Variants in HHLA2 observed in about 807,000 individuals in gnomAD.
The protein encoded by HHLA2 is HHLA2 member of B7 family.
In HHLA2, 48 loss-of-function variants were observed where a neutral mutation model predicts 45.9. The ratio of observed to expected loss-of-function variants is 1.05; its 90% CI spans 0.83 to 1.33. HHLA2 has a LOEUF of 1.33. Ranked by LOEUF, HHLA2 falls within the 40% of genes most tolerant of loss-of-function variation. The pLI, the probability that HHLA2 is intolerant of heterozygous loss-of-function variation, is 0.00. For missense variants in HHLA2, 462 were observed against 494.3 expected, an observed-to-expected ratio of 0.93 and a Z score of 0.62; for synonymous variants, 161 against 173.9, an observed-to-expected ratio of 0.93 and a Z score of 0.59.
chr3:108,312,023 G>A (rs546466427), intron 2 of HHLA2, among the ~76,000 whole-genome samples: 50 of 152,276 alleles, frequency 3.3e-4, no homozygotes, highest in African/African-American at 1.1e-3. Flanking sequence ...CCAATGGCAG[G>A]CACAGGCGGA....
intron 7 of HHLA2, among the ~76,000 whole-genome samples, chr3:108,360,493 C>T (rs2081968632): frequency 6.6e-6 from 1 of 152,150 alleles, no homozygotes; most frequent in Admixed American, 6.5e-5. Context: ...AAATTGCCAG[C>T]ATCACTACTC....
chr3:108,307,529 G>T (rs1046056537), intron 1 of HHLA2, among the ~76,000 whole-genome samples: 3 of 151,978 alleles, frequency 2.0e-5, no homozygotes, highest in African/African-American at 7.3e-5. Context: ...AGCTACTCGG[G>T]AGGCTGAGGC....
At chr3:108,319,876 A>G (rs1287886176) in intron 2 of HHLA2, among the ~76,000 whole-genome samples, 1 of 152,236 alleles carries the variant, frequency 6.6e-6, no homozygotes, top group African/African-American at 2.4e-5. Context: ...AGGATTCTTC[A>G]GATATCAACT....
chr3:108,336,823 G>A (rs546798517), intron 3 of HHLA2, among the ~76,000 whole-genome samples: 1 of 151,750 alleles, frequency 6.6e-6, no homozygotes, highest in South Asian at 2.1e-4. Flanking sequence ...ATGAGGGGCC[G>A]GCCAAAGGTA....
intron 3 of HHLA2, among the ~76,000 whole-genome samples, chr3:108,329,733 G>A (rs6787576): frequency 0.064 from 9,765 of 152,174 alleles, 518 homozygotes; most frequent in East Asian, 0.3. Flanking sequence ...AACTTCTGCT[G>A]CACCTGTGCT....
At position 108,328,330 on chromosome 3, in the gene HHLA2, T is replaced by C; in HGVS notation, c.-44T>C. The stretch of plus-strand genomic sequence containing the variant: ...TGGTGATGTGGAATATACTAAAGCC[T>C]AGAACGCACCTCCTCTGGTAAGTAG... On this transcript the variant is annotated 5_prime_UTR_variant, in exon 3 of 11. Transcript: ENST00000619531. 4 of 1,531,478 alleles carry C rather than the reference T, an allele frequency of 2.6e-6. No individual in the cohort carries two copies. In the East Asian group the frequency reaches 9.8e-5, roughly 38 times the overall value. 94.9% of individuals were successfully genotyped at this position (1,531,478 alleles called of 1,614,324 possible).
At chr3:108,332,764 C>T (rs938012844) in intron 3 of HHLA2, among the ~76,000 whole-genome samples, 1 of 152,146 alleles carries the variant, frequency 6.6e-6, no homozygotes, top group African/African-American at 2.4e-5. Context: ...GCAAAGATAT[C>T]AGGCTTCTAA....
chr3:108,365,611 A>G (rs1467644493), intron 8 of HHLA2, among the ~76,000 whole-genome samples: 1 of 152,198 alleles, frequency 6.6e-6, no homozygotes, highest in Non-Finnish European at 1.5e-5. Context: ...CACGATATTC[A>G]TAAGTATGAA....
intron 3 of HHLA2, 25 bp from the exon 3 acceptor site, chr3:108,351,763 T>C (rs745355196): frequency 7.5e-6 from 11 of 1,466,688 alleles, no homozygotes; most frequent in Admixed American, 5.2e-5. Context: ...ATCCATAACA[T>C]GTGCACTTTA....
chr3:108,350,967 G>T (rs2081765819), intron 3 of HHLA2, among the ~76,000 whole-genome samples: 1 of 152,178 alleles, frequency 6.6e-6, no homozygotes, highest in African/African-American at 2.4e-5. Flanking sequence ...TTACAGGTGT[G>T]AACCACCATG....
intron 3 of HHLA2, among the ~76,000 whole-genome samples, chr3:108,343,863 G>A (rs540421402): frequency 6.6e-6 from 1 of 152,296 alleles, no homozygotes; most frequent in East Asian, 1.9e-4. Context: ...ATTGACATTG[G>A]AAAAGAAGTT....
intron 3 of HHLA2, among the ~76,000 whole-genome samples, chr3:108,333,162 C>G (rs2081415441): frequency 6.6e-6 from 1 of 152,124 alleles, no homozygotes; most frequent in Admixed American, 6.6e-5. Flanking sequence ...GTCTGGATAG[C>G]TGATACCAAA....
Position 108,313,145 on chromosome 3 carries a change from A to G in HHLA2, c.-105+2404A>G, listed in dbSNP as rs142018334. Among the ~76,000 whole-genome samples the G allele has an allele frequency of 8.3e-3, 1,265 of 152,324 alleles. 15 individuals are homozygous for G. Among genetic ancestry groups the G allele is most frequent in the Non-Finnish European group, 0.012 (848 of 68,038 alleles). On this transcript the variant is annotated intron_variant, in intron 2 of 10. Coordinates refer to ENST00000619531, the Ensembl canonical transcript of HHLA2. ...GAGTATCAATACCTGTGGGGTAGTT[A>G]GAAATGCAAGTCTGTTTTAAGACTA...
intron 3 of HHLA2, among the ~76,000 whole-genome samples, chr3:108,342,132 T>C (rs928092724): frequency 3.3e-5 from 5 of 152,196 alleles, no homozygotes; most frequent in Non-Finnish European, 7.3e-5. Flanking sequence ...AGGAGGGAAA[T>C]GGTACTGGTG....
intron 3 of HHLA2, among the ~76,000 whole-genome samples, chr3:108,332,501 T>A (rs1308681231): frequency 6.6e-6 from 1 of 152,214 alleles, no homozygotes; most frequent in East Asian, 1.9e-4. Context: ...AGCCTGTTCA[T>A]ACAATTATTA....
At chr3:108,322,600 C>T (rs1473618134) in intron 2 of HHLA2, among the ~76,000 whole-genome samples, 1 of 152,182 alleles carries the variant, frequency 6.6e-6, no homozygotes, top group Non-Finnish European at 1.5e-5. Flanking sequence ...GATTTTCCCT[C>T]ATCCAACCGC....
chr3:108,353,292 C>A, intron 4 of HHLA2, 135 bp from the exon 4 acceptor site: 3 of 581,278 alleles, frequency 5.2e-6, no homozygotes, highest in Non-Finnish European at 9.0e-6. Context: ...AATAATCAGA[C>A]AAGTGTTTTT....
intron 2 of HHLA2, among the ~76,000 whole-genome samples, chr3:108,319,819 C>T (rs924990909): frequency 6.6e-6 from 1 of 152,218 alleles, no homozygotes; most frequent in African/African-American, 2.4e-5. Flanking sequence ...GAAGCACTTG[C>T]AGTAGCTGCT....
chr3:108,355,737 CT>C (rs1460879303), intron 6 of HHLA2, among the ~76,000 whole-genome samples: 2 of 152,182 alleles, frequency 1.3e-5, no homozygotes, highest in African/African-American at 4.8e-5. Context: ...ACCAGCATTG[CT>C]CTTTAAAAGA....
Sources: allele counts gnomAD v4.1 joint callset (sites outside exome capture counted in the v4.1 genomes callset), GRCh38; gene constraint gnomAD v4.1.1; transcripts MANE v1.5; gene names NCBI Gene and HGNC (gene_info 2026-07-23, HGNC 2026-07-21).